SLCO1A2: variants seen among roughly 807,000 people sequenced by gnomAD.
SLCO1A2 encodes solute carrier organic anion transporter family member 1A2.
In SLCO1A2, 67 loss-of-function variants were observed where a neutral mutation model predicts 69.0. The observed-to-expected ratio is 0.97, with a 90% CI of 0.80 to 1.19. The LOEUF is 1.19. SLCO1A2 is among the 50% of genes most tolerant of loss of function. The pLI, the probability that SLCO1A2 is intolerant of heterozygous loss-of-function variation, is 0.00. For missense variants in SLCO1A2, 787 were observed against 793.7 expected, an observed-to-expected ratio of 0.99 and a Z score of 0.10; for synonymous variants, 260 against 265.9, an observed-to-expected ratio of 0.98 and a Z score of 0.22.
chr12:21,309,839 T>C (rs1949888994), intron 4 of SLCO1A2, among the ~76,000 whole-genome samples: 1 of 152,144 alleles, frequency 6.6e-6, no homozygotes. Context: ...GCAGCAGGCC[T>C]AGAGAATTCC....
At chr12:21,396,541 G>A (rs903853969), upstream of SLCO1A2, among the ~76,000 whole-genome samples, 8 of 150,674 alleles carry the variant, frequency 5.3e-5, no homozygotes, top group African/African-American at 1.5e-4. Flanking sequence ...GATACTCCTC[G>A]AGAAGAGCAA....
chr12:21,419,328 G>A (rs1053322368), upstream of SLCO1A2: 1 of 156,512 alleles, frequency 6.4e-6, no homozygotes, highest in African/African-American at 2.4e-5. Flanking sequence ...TCACTAGGGA[G>A]TGTCAGATAG....
rs1394579746 is a variant in SLCO1A2 at position 21,265,681 on chromosome 12, C to T, written c.*3867G>A. 1 of 152,150 alleles carries T rather than the reference C, an allele frequency of 6.6e-6. No homozygotes were observed. Among genetic ancestry groups the T allele is most frequent in the Non-Finnish European group, 1.5e-5 (1 of 68,038 alleles). 9.4% of individuals were successfully genotyped at this position (152,150 alleles called of 1,614,324 possible). On this transcript the variant is annotated 3_prime_UTR_variant, in exon 15 of 15. Coordinates refer to ENST00000683939, the MANE Select transcript of SLCO1A2 (RefSeq NM_001386879.1). ...AGAAAAGCATTTTCTGCTCTCTTCT[C>T]TTGGCTAAGGGCTCAGGAGAATTTC...
chr12:21,378,290 T>C (rs1484149172), intron 1 of SLCO1A2: 1 of 1,614,226 alleles, frequency 6.2e-7, no homozygotes, highest in Admixed American at 1.7e-5. Context: ...ACGCAGCGCC[T>C]GGCAAATTTT....
Position 21,275,358 on chromosome 12 carries a change from A to G in SLCO1A2, c.1675+2T>C, listed in dbSNP as rs1943628229. On this transcript the variant is annotated splice_donor_variant, in intron 13 of 14. Transcript: ENST00000683939. LOFTEE classifies it high-confidence loss of function. Reference sequence around the variant, plus strand: ...GATGTGGGAAAAAATAACTATTTTTACCAAATACTCTTGTGCAAAATGTAT... The same window carrying G: ...GATGTGGGAAAAAATAACTATTTTTGCCAAATACTCTTGTGCAAAATGTAT... 6.4e-7 allele frequency: 1 copy of G among 1,556,624 alleles called. No homozygotes were observed. The highest frequency in any genetic ancestry group is 8.8e-7 in the Non-Finnish European group (1 of 1,140,446).
chr12:21,342,372 T>A (rs1410089155), intron 2 of SLCO1A2, among the ~76,000 whole-genome samples: 1 of 152,062 alleles, frequency 6.6e-6, no homozygotes, highest in African/African-American at 2.4e-5. Flanking sequence ...ATACAAAACC[T>A]ACTCTTATTT....
At chr12:21,339,323 A>G (rs141187763), upstream of SLCO1A2, among the ~76,000 whole-genome samples, 223 of 152,084 alleles carry the variant, frequency 1.5e-3, 1 homozygote, top group African/African-American at 5.2e-3. Flanking sequence ...AGACAATTTG[A>G]GCTAAGTAAT....
chr12:21,307,856 G>A (rs1949623510), intron 4 of SLCO1A2, among the ~76,000 whole-genome samples: 1 of 152,128 alleles, frequency 6.6e-6, no homozygotes, highest in South Asian at 2.1e-4. Flanking sequence ...CTGTGCTATA[G>A]GATATAATAA....
chr12:21,390,024 GCTT>G (rs1273856657), intron 1 of SLCO1A2, among the ~76,000 whole-genome samples: 2 of 151,274 alleles, frequency 1.3e-5, no homozygotes, highest in Admixed American at 6.6e-5. Flanking sequence ...TTTACATACT[GCTT>G]CTTCATTTTA....
intron 1 of SLCO1A2, among the ~76,000 whole-genome samples, chr12:21,409,238 TA>T (rs2137203483): frequency 6.6e-6 from 1 of 152,320 alleles, no homozygotes; most frequent in African/African-American, 2.4e-5. Flanking sequence ...CATTAAACTC[TA>T]AGACATGGGA....
At chr12:21,338,724 G>A (rs764900192), upstream of SLCO1A2, among the ~76,000 whole-genome samples, 4 of 151,802 alleles carry the variant, frequency 2.6e-5, no homozygotes, top group Non-Finnish European at 4.4e-5. Context: ...GACTAGGTAA[G>A]TACAAACATA....
chr12:21,293,118 C>T (rs994016817), intron 11 of SLCO1A2, among the ~76,000 whole-genome samples: 3 of 152,128 alleles, frequency 2.0e-5, no homozygotes, highest in African/African-American at 7.2e-5. Context: ...GCCTGACCAA[C>T]ATGGTGAAAT....
At chr12:21,410,951 G>A (rs986754258) in intron 1 of SLCO1A2, among the ~76,000 whole-genome samples, 3 of 151,988 alleles carry the variant, frequency 2.0e-5, no homozygotes, top group East Asian at 3.9e-4. Flanking sequence ...TTTTATTAAC[G>A]AGTAAAGATT....
At chr12:21,393,277 C>G (rs1941250926) in intron 1 of SLCO1A2, among the ~76,000 whole-genome samples, 1 of 152,074 alleles carries the variant, frequency 6.6e-6, no homozygotes, top group African/African-American at 2.4e-5. Flanking sequence ...ATGGTTCACA[C>G]TGCACAGTGA....
chr12:21,352,569 A>G (rs1054808689), intron 2 of SLCO1A2, among the ~76,000 whole-genome samples: 1 of 152,130 alleles, frequency 6.6e-6, no homozygotes, highest in Non-Finnish European at 1.5e-5. Context: ...GGCTGCCTAC[A>G]TATGAACACA....
At chr12:21,360,286 A>G (rs1938728502) in intron 2 of SLCO1A2, among the ~76,000 whole-genome samples, 1 of 152,252 alleles carries the variant, frequency 6.6e-6, no homozygotes, top group Admixed American at 6.5e-5. Flanking sequence ...CAAATTATAC[A>G]TTTTAAATAT....
chr12:21,360,163 T>G (rs1023747647), intron 2 of SLCO1A2, among the ~76,000 whole-genome samples: 7 of 152,094 alleles, frequency 4.6e-5, no homozygotes, highest in Non-Finnish European at 8.8e-5. Context: ...AATGAGGAAG[T>G]GTAACGAGAT....
At chr12:21,408,883 C>G (rs1458942194) in intron 1 of SLCO1A2, among the ~76,000 whole-genome samples, 1 of 152,136 alleles carries the variant, frequency 6.6e-6, no homozygotes, top group East Asian at 1.9e-4. Flanking sequence ...CAACGCTCTT[C>G]TAAAACAACT....
chr12:21,385,063 C>T (rs995951931), intron 1 of SLCO1A2, among the ~76,000 whole-genome samples: 2 of 152,070 alleles, frequency 1.3e-5, no homozygotes, highest in Non-Finnish European at 2.9e-5. Context: ...CTTCGCCCGG[C>T]CAGATTTTTT....
Sources: allele counts gnomAD v4.1 joint callset (sites outside exome capture counted in the v4.1 genomes callset), GRCh38; gene constraint gnomAD v4.1.1; transcripts MANE v1.5; gene names NCBI Gene and HGNC (gene_info 2026-07-23, HGNC 2026-07-21).